Variants in INCENP observed in about 807,000 individuals in gnomAD.
INCENP encodes the protein inner centromere protein.
A neutral mutation model predicts 107.3 loss-of-function variants in INCENP; 43 were observed. The observed-to-expected ratio is 0.40, with a 90% CI of 0.31 to 0.52. The LOEUF (loss-of-function observed/expected upper bound fraction) is 0.52, where lower values mean the gene tolerates loss of function less well. Ranked by LOEUF, INCENP falls within the 20% of genes least tolerant of loss-of-function variation. INCENP has a pLI of 0.53. For missense variants in INCENP, 1,089 were observed against 1,250.9 expected (o/e 0.87, Z 1.95); for synonymous variants, 488 against 494.4 (o/e 0.99, Z 0.17).
At chr11:62,138,471 CTGTGGTGGGG>C (rs1944038510) in intron 5 of INCENP, among the ~76,000 whole-genome samples, 1 of 152,224 alleles carries the variant, frequency 6.6e-6, no homozygotes, top group African/African-American at 2.4e-5. Context: ...TGAGACAGCT[CTGTGGTGGGG>C]TGCCAGGGAG....
chr11:62,128,663 C>T, intron 2 of INCENP, 107 bp from the exon 3 acceptor site: 1 of 808,726 alleles, frequency 1.2e-6, no homozygotes, highest in South Asian at 1.5e-5. Context: ...CTGGACACCC[C>T]AGCTTGACCT....
At chr11:62,138,116 C>CT (rs1944031123) in intron 5 of INCENP, 6 of 590,098 alleles carry the variant, frequency 1.0e-5, no homozygotes, top group Non-Finnish European at 1.5e-5. Flanking sequence ...AGACCTGACC[C>CT]TGGGGCGTGG....
At position 62,140,704 on chromosome 11, in the gene INCENP, G is replaced by A. The variant is rs763092363; in HGVS notation, c.1344G>A (p.Arg448=). 8.3e-6 allele frequency: 13 copies of A among 1,561,688 alleles called. No homozygotes were observed. The highest frequency in any genetic ancestry group is 7.7e-5 in the Admixed American group (4 of 52,166). Residue 448 remains arginine (R), a splice_region_variant and synonymous_variant, in exon 9 of 19, where the codon AGG becomes AGA. Coordinates refer to ENST00000394818, the MANE Select transcript of INCENP (RefSeq NM_001040694.2). ...GATGCCGCCGCCCGCGCCTTGGCAG[G>A]AGGAAGCGCAGCTACAAGCAGGCCG... The part of the protein sequence containing the change: ...DGPREPPQSA[R]RKRSYKQAVS...
chr11:62,148,898 T>G lies in INCENP; in HGVS notation c.2391+52T>G, dbSNP rs1454369927. ...CTCTCAGGTGGAGGGGCCCACTCTA[T>G]TCTCTTCCCAGTAGCTAGAGGCACA... On this transcript the variant is annotated intron_variant, in intron 17 of 18. Transcript: ENST00000394818. 3.4e-6 allele frequency: 4 copies of G among 1,188,914 alleles called. No homozygotes were observed. The South Asian group carries it at 5.6e-5, about 17-fold the overall frequency. 73.6% of individuals were successfully genotyped at this position (1,188,914 alleles called of 1,614,324 possible).
intron 5 of INCENP, 165 bp downstream of exon 5, chr11:62,138,048 T>C: frequency 1.5e-6 from 1 of 664,152 alleles, no homozygotes; most frequent in South Asian, 1.7e-5. Flanking sequence ...GTGAGTGATG[T>C]GGGTGTTGGC....
intron 17 of INCENP, among the ~76,000 whole-genome samples, chr11:62,149,812 T>G (rs1364637122): frequency 2.0e-5 from 3 of 151,970 alleles, no homozygotes; most frequent in East Asian, 1.9e-4. Context: ...ATCCAGCTAC[T>G]TGGGAAAGCT....
chr11:62,153,006 TG>T lies in INCENP; in HGVS notation c.*1031del, dbSNP rs1318917838. 1 of 152,212 alleles carries T rather than the reference TG, an allele frequency of 6.6e-6. No individual in the cohort carries two copies. The highest frequency in any genetic ancestry group is 6.5e-5 in the Admixed American group (1 of 15,284). 9.4% of individuals were successfully genotyped at this position (152,212 alleles called of 1,614,324 possible). A position where few individuals can be genotyped will look rare whatever the true frequency, so the allele number is the denominator to read the frequency against. On this transcript the variant is annotated 3_prime_UTR_variant, in exon 19 of 19. Coordinates refer to ENST00000394818, the MANE Select transcript of INCENP (RefSeq NM_001040694.2). ...TTTATCGAAACACAAGCAATGGAAA[TG>T]CCCATTTCCATTGTTGTCTCCAGTT... is the stretch of plus-strand genomic sequence containing the variant.
chr11:62,135,374 C>A (rs1943970487), intron 4 of INCENP, among the ~76,000 whole-genome samples: 1 of 151,990 alleles, frequency 6.6e-6, no homozygotes, highest in African/African-American at 2.4e-5. Flanking sequence ...TCAAGTGATT[C>A]TCTTGCCTCA....
At chr11:62,144,754 G>A (rs1944199551) in intron 11 of INCENP, 3 of 756,212 alleles carry the variant, frequency 4.0e-6, no homozygotes, top group Non-Finnish European at 7.3e-6. Context: ...AGGGCACTGT[G>A]GCTCAGGCCC....
In INCENP at chr11:62,140,885, C is replaced by G. The variant is rs201802247; in HGVS notation, c.1462-28C>G. ...CCTTCAGTACCCTGCCCCGCCTGCC[C>G]ACTTCTGACCCTGGTCCTCGTCTGC... On this transcript the variant is annotated intron_variant, in intron 9 of 18. Coordinates refer to ENST00000394818, the MANE Select transcript of INCENP (RefSeq NM_001040694.2). 224 of 1,613,902 alleles carry G rather than the reference C, an allele frequency of 1.4e-4. 1 individual carries two copies. In the African/African-American group the frequency reaches 2.8e-3, roughly 20 times the overall value.
rs568080896 is a variant in INCENP, at chr11:62,148,641, A to G, written c.2283+87A>G. On this transcript the variant is annotated intron_variant, in intron 16 of 18. Transcript: ENST00000394818. The stretch of plus-strand genomic sequence containing the variant: ...CTCCTGCAGCAGGGGCTGCCTAGGG[A>G]GGGGAGGGAAAGGGAGGAGAATGGA... 1,931 of 1,126,114 alleles carry G rather than the reference A, an allele frequency of 1.7e-3. 20 individuals carry two copies. The Middle Eastern group carries it at 0.02, about 12-fold the overall frequency. 69.8% of individuals were successfully genotyped at this position (1,126,114 alleles called of 1,614,324 possible).
At position 62,140,719 on chromosome 11, in the gene INCENP, C is replaced by T. The variant is rs375577664; in HGVS notation, c.1359C>T (p.Tyr453=). Residue 453 remains tyrosine, a synonymous_variant, in exon 9 of 19, where the codon TAC becomes TAT. Transcript: ENST00000394818. The part of the protein sequence containing the change: ...PPQSARRKRS[Y]KQAVSELDEE... ...GCCTTGGCAGGAGGAAGCGCAGCTACAAGCAGGCCGTGAGTGAGCTGGACG... is the reference window on the plus strand; with the variant it reads ...GCCTTGGCAGGAGGAAGCGCAGCTATAAGCAGGCCGTGAGTGAGCTGGACG... 4.4e-6 allele frequency: 7 copies of T among 1,578,738 alleles called. No homozygotes were observed. Among genetic ancestry groups the T allele is most frequent in the Middle Eastern group, 2.2e-4 (1 of 4,536 alleles).
intron 4 of INCENP, among the ~76,000 whole-genome samples, chr11:62,133,517 T>A (rs1176761689): frequency 3.3e-5 from 5 of 152,170 alleles, no homozygotes; most frequent in African/African-American, 1.2e-4. Flanking sequence ...CCTTGGGGCG[T>A]TCGAGCCACC....
At chr11:62,135,994 A>G (rs990622734) in intron 4 of INCENP, among the ~76,000 whole-genome samples, 8 of 151,960 alleles carry the variant, frequency 5.3e-5, no homozygotes, top group Admixed American at 6.6e-5. Context: ...TATTTCTACT[A>G]GAGACGGGGT....
Position 62,128,373 on chromosome 11 carries a change from C to T in INCENP, c.140+72C>T. On this transcript the variant is annotated intron_variant, in intron 2 of 18. Coordinates refer to ENST00000394818, the MANE Select transcript of INCENP (RefSeq NM_001040694.2). ...GGCTGCTTTGGTCTTGGGGACACAA[C>T]AGCCCCTCGTCCCCGCCTACCTGGC... The T allele has an allele frequency of 2.6e-6, 4 of 1,558,146 alleles. 1 individual carries two copies.
Position 62,149,463 on chromosome 11 carries a change from G to A in INCENP, c.2392-594G>A, listed in dbSNP as rs575572697. ...TTGTTAAGATGTGGAAAACTTGGAA[G>A]TTAGTATGGTATCTGTCAATGATGG... is the stretch of plus-strand genomic sequence containing the variant. On this transcript the variant is annotated intron_variant, in intron 17 of 18. Coordinates refer to ENST00000394818, the MANE Select transcript of INCENP (RefSeq NM_001040694.2). 2.6e-5 allele frequency among the ~76,000 whole-genome samples: 4 copies of A among 152,298 alleles called. No individual in the cohort carries two copies. The East Asian group carries it at 7.7e-4, about 29-fold the overall frequency.
intron 1 of INCENP, among the ~76,000 whole-genome samples, chr11:62,124,617 C>G (rs764228452): frequency 6.6e-6 from 1 of 152,232 alleles, no homozygotes; most frequent in Non-Finnish European, 1.5e-5. Flanking sequence ...CTCCCCAAGC[C>G]TGTTCGCTGT....
At chr11:62,151,700 G>A (rs1168128294) in intron 18 of INCENP, 62 bp from the exon 19 acceptor site, 1 of 1,415,928 alleles carries the variant, frequency 7.1e-7, no homozygotes, top group Non-Finnish European at 9.9e-7. Context: ...TCTGTGGTGG[G>A]CAAGGGATGG....
chr11:62,130,444 G>T lies in INCENP; in HGVS notation c.917G>T (p.Ser306Ile). The T allele has an allele frequency of 6.2e-7, 1 of 1,613,996 alleles. No individual in the cohort carries two copies. Among genetic ancestry groups the T allele is most frequent in the Non-Finnish European group, 8.5e-7 (1 of 1,180,034 alleles). Residue 306 changes from serine to isoleucine, a missense_variant, in exon 4 of 19, where the codon AGC becomes ATC. Ser to Ile is a moderately radical substitution (Grantham distance 142). Transcript: ENST00000394818. ...SRTDSQSVRHSPIAPSSPSPQ... is the reference protein window; with the variant it reads ...SRTDSQSVRHIPIAPSSPSPQ... ...ACGGACTCTCAATCGGTGCGGCACA[G>T]CCCGATCGCCCCGTCTTCCCCGAGT... is the stretch of plus-strand genomic sequence containing the variant.
Sources: allele counts gnomAD v4.1 joint callset (sites outside exome capture counted in the v4.1 genomes callset), GRCh38; gene constraint gnomAD v4.1.1; transcripts MANE v1.5; gene names NCBI Gene and HGNC (gene_info 2026-07-23, HGNC 2026-07-21).